WNK2: variants seen among roughly 807,000 people sequenced by gnomAD.
The protein encoded by WNK2 is serine/threonine-protein kinase WNK2.
A neutral mutation model predicts 192.1 loss-of-function variants in WNK2; 67 were observed. The ratio of observed to expected loss-of-function variants is 0.35; its 90% confidence interval spans 0.29 to 0.43. The LOEUF (loss-of-function observed/expected upper bound fraction) is 0.43. WNK2 is among the 20% of genes least tolerant of loss of function. WNK2 has a pLI of 1.00. For synonymous variants in WNK2, 1,439 were observed against 1,393.9 expected (o/e 1.03, Z -0.72); for missense variants, 2,698 against 3,089.7 (o/e 0.87, Z 3.01).
At chr9:93,269,518 G>A (rs1845722170) in intron 19 of WNK2, among the ~76,000 whole-genome samples, 1 of 152,214 alleles carries the variant, frequency 6.6e-6, no homozygotes, top group African/African-American at 2.4e-5. Context: ...ACAAAGCAAC[G>A]AGCTGAAACA....
intron 19 of WNK2, among the ~76,000 whole-genome samples, chr9:93,271,176 T>C (rs1845954139): frequency 6.6e-6 from 1 of 152,208 alleles, no homozygotes; most frequent in South Asian, 2.1e-4. Context: ...AGATTAGTAC[T>C]GGGAAGGCAT....
intron 2 of WNK2, among the ~76,000 whole-genome samples, chr9:93,201,455 CA>C (rs1438684932): frequency 1.3e-5 from 2 of 152,238 alleles, no homozygotes. Context: ...ACGTGGAGAA[CA>C]CATGCCTGGC....
intron 28 of WNK2, 125 bp from the exon 29 acceptor site, chr9:93,317,395 C>A: frequency 1.2e-6 from 1 of 850,562 alleles, no homozygotes; most frequent in Non-Finnish European, 1.9e-6. Flanking sequence ...GGGTGCCTGT[C>A]ACAGCAGGTT....
chr9:93,228,957 G>C (rs755939762), intron 2 of WNK2, among the ~76,000 whole-genome samples: 3 of 152,176 alleles, frequency 2.0e-5, no homozygotes, highest in Non-Finnish European at 4.4e-5. Flanking sequence ...GTGTTTGAAT[G>C]TGGTGCCTGG....
chr9:93,233,632 A>G (rs1195904269), intron 4 of WNK2, among the ~76,000 whole-genome samples: 7 of 144,080 alleles, frequency 4.9e-5, no homozygotes, highest in Non-Finnish European at 3.0e-5. Context: ...TGGGTGGGAG[A>G]TGGAGGTTGC....
intron 18 of WNK2, 117 bp from the exon 19 acceptor site, chr9:93,268,510 A>T (rs1038139022): frequency 6.8e-7 from 1 of 1,467,962 alleles, no homozygotes; most frequent in African/African-American, 1.4e-5. Context: ...AGAAAATCCC[A>T]TAGGTGTAAA....
At chr9:93,186,287 TC>T (rs1485709291) in intron 2 of WNK2, among the ~76,000 whole-genome samples, 2 of 152,042 alleles carry the variant, frequency 1.3e-5, no homozygotes, top group Non-Finnish European at 2.9e-5. Flanking sequence ...TAAAACCGAG[TC>T]ATGCAGAATG....
intron 26 of WNK2, among the ~76,000 whole-genome samples, chr9:93,305,974 C>T (rs887814944): frequency 1.3e-5 from 2 of 152,088 alleles, no homozygotes; most frequent in African/African-American, 4.8e-5. Context: ...CCTTCCGGCC[C>T]AGCCTGCCCT....
At chr9:93,311,159 A>G (rs1204139914) in intron 28 of WNK2, among the ~76,000 whole-genome samples, 1 of 152,130 alleles carries the variant, frequency 6.6e-6, no homozygotes, top group East Asian at 1.9e-4. Context: ...ATCACACGGT[A>G]TCTGTCTTTT....
intron 28 of WNK2, 137 bp downstream of exon 28, chr9:93,308,721 C>T (rs989909325): frequency 1.2e-5 from 17 of 1,369,416 alleles, no homozygotes; most frequent in Admixed American, 5.4e-5. Flanking sequence ...CTCCCCACAG[C>T]CCCAAGAACT....
At chr9:93,258,655 G>A (rs770582573) in intron 11 of WNK2, among the ~76,000 whole-genome samples, 4 of 152,122 alleles carry the variant, frequency 2.6e-5, no homozygotes, top group Non-Finnish European at 5.9e-5. Context: ...GCCTCCCTGC[G>A]CTGGACCAGG....
intron 4 of WNK2, 125 bp downstream of exon 4, chr9:93,231,233 A>C (rs1474054845): frequency 1.0e-6 from 1 of 959,028 alleles, no homozygotes; most frequent in Non-Finnish European, 1.6e-6. Flanking sequence ...GCGTCTGGGC[A>C]CGGGAGCCTC....
At chr9:93,292,196 C>T in intron 21 of WNK2, 112 bp from the exon 22 acceptor site, 3 of 1,085,384 alleles carry the variant, frequency 2.8e-6, no homozygotes, top group Non-Finnish European at 2.8e-6. Flanking sequence ...ATTGTCCTGC[C>T]TGTCTGGAGG....
chr9:93,229,572 C>T lies in WNK2; in HGVS notation c.682-124C>T, dbSNP rs538978791. 26 of 1,115,942 alleles carry T rather than the reference C, an allele frequency of 2.3e-5. No homozygotes were observed. The highest frequency in any genetic ancestry group is 2.0e-4 in the Middle Eastern group (1 of 4,884). 69.1% of individuals were successfully genotyped at this position (1,115,942 alleles called of 1,614,324 possible). A position where few individuals can be genotyped will look rare whatever the true frequency, so the allele number is the denominator to read the frequency against. On this transcript the variant is annotated intron_variant, in intron 2 of 29. Coordinates refer to ENST00000427277, the MANE Select transcript of WNK2 (RefSeq NM_006648.4). This position sits in a 1 kb window ranked among gnomAD's most constrained non-coding sequence, Gnocchi z 4.9. ...TGTCTGCATGCCCTTCTATCATAGCCGCTTAGCTGCCTGTGGGTATGGGAA... is the reference window on the plus strand; with the variant it reads ...TGTCTGCATGCCCTTCTATCATAGCTGCTTAGCTGCCTGTGGGTATGGGAA...
intron 2 of WNK2, among the ~76,000 whole-genome samples, chr9:93,216,575 A>G (rs1835777199): frequency 6.6e-6 from 1 of 152,132 alleles, no homozygotes; most frequent in Non-Finnish European, 1.5e-5. Context: ...GCAGTGAGCC[A>G]TGATCACACC....
At chr9:93,241,444 T>C (rs1351605048) in intron 7 of WNK2, among the ~76,000 whole-genome samples, 3 of 152,196 alleles carry the variant, frequency 2.0e-5, no homozygotes, top group Non-Finnish European at 4.4e-5. Context: ...TTTTCTTTCT[T>C]TTGAATAAGC....
At chr9:93,269,018 G>A (rs535937956) in intron 19 of WNK2, 2 of 1,386,206 alleles carry the variant, frequency 1.4e-6, no homozygotes, top group Non-Finnish European at 2.0e-6. Context: ...GTGTTGAAGA[G>A]CTCCGCTGTC....
chr9:93,304,509 A>T lies in WNK2; in HGVS notation c.6215-2268A>T, dbSNP rs369259631. Among the ~76,000 whole-genome samples the T allele has an allele frequency of 5.3e-3, 811 of 152,340 alleles. 7 individuals are homozygous for T. The highest frequency in any genetic ancestry group is 0.018 in the African/African-American group (762 of 41,574). ...TCTTCCTGGGCCTGGCTGGGGATGGAAGCCCCACAGGGAGACCGAGGTGGG... is the reference window on the plus strand; with the variant it reads ...TCTTCCTGGGCCTGGCTGGGGATGGTAGCCCCACAGGGAGACCGAGGTGGG... On this transcript the variant is annotated intron_variant, in intron 26 of 29. Transcript: ENST00000427277.
intron 19 of WNK2, among the ~76,000 whole-genome samples, chr9:93,271,705 T>G (rs187253751): frequency 3.3e-5 from 5 of 152,314 alleles, no homozygotes; most frequent in Admixed American, 1.3e-4. Flanking sequence ...TTGTGTGTCA[T>G]TAGAGTCTCA....
Sources: gnomAD v4.1 joint callset for allele counts (sites outside exome capture counted in the v4.1 genomes callset) on GRCh38, gnomAD v4.1.1 for gene constraint, Gnocchi (gnomAD v3.1) non-coding constraint, MANE v1.5 for transcripts, NCBI Gene and HGNC (gene_info 2026-07-23, HGNC 2026-07-21) for gene names.